PACSIN2: variants seen among roughly 807,000 people sequenced by gnomAD.
PACSIN2 encodes the protein protein kinase C and casein kinase substrate in neurons 2.
A neutral mutation model predicts 63.8 loss-of-function variants in PACSIN2; 25 were observed. The ratio of observed to expected loss-of-function variants is 0.39; its 90% CI spans 0.29 to 0.55. The LOEUF is 0.55. Among genes scored for constraint, PACSIN2 ranks in the 20% least tolerant of loss-of-function variants. The pLI is 0.62. For synonymous variants in PACSIN2, 255 were observed against 256.2 expected (o/e 1.00, Z 0.05); for missense variants, 518 against 646.9 (o/e 0.80, Z 2.16).
At chr22:42,913,250 C>T (rs995640629) in intron 1 of PACSIN2, among the ~76,000 whole-genome samples, 7 of 152,104 alleles carry the variant, frequency 4.6e-5, no homozygotes, top group Non-Finnish European at 7.4e-5. Context: ...GAGGCCAAGG[C>T]GGGCGGATCA....
chr22:42,894,431 C>G (rs769285027), intron 2 of PACSIN2, among the ~76,000 whole-genome samples: 1 of 152,150 alleles, frequency 6.6e-6, no homozygotes, highest in African/African-American at 2.4e-5. Flanking sequence ...TTAGTGGAGA[C>G]AGGGTTTCAC....
chr22:42,983,327 A>G (rs1922358403), intron 1 of PACSIN2, among the ~76,000 whole-genome samples: 1 of 150,574 alleles, frequency 6.6e-6, no homozygotes, highest in African/African-American at 2.4e-5. Flanking sequence ...AAAAAAAAAA[A>G]AAAAAAAAAG....
At chr22:42,972,030 C>T (rs975473064) in intron 1 of PACSIN2, among the ~76,000 whole-genome samples, 3 of 151,928 alleles carry the variant, frequency 2.0e-5, no homozygotes, top group East Asian at 1.9e-4. Context: ...TCATTGAGAA[C>T]GGGCCATGAT....
At chr22:42,963,844 C>T (rs1364699462) in intron 1 of PACSIN2, among the ~76,000 whole-genome samples, 1 of 93,468 alleles carries the variant, frequency 1.1e-5, no homozygotes, top group Non-Finnish European at 2.1e-5. Context: ...AAAATTTCTA[C>T]AATTTTTTTT....
chr22:42,913,545 G>A (rs1446367494), intron 1 of PACSIN2, among the ~76,000 whole-genome samples: 1 of 149,492 alleles, frequency 6.7e-6, no homozygotes, highest in Non-Finnish European at 1.5e-5. Context: ...ATTGCTGCAA[G>A]TCAAATATAT....
intron 1 of PACSIN2, among the ~76,000 whole-genome samples, chr22:42,923,635 G>T (rs979947217): frequency 2.0e-5 from 3 of 152,280 alleles, no homozygotes; most frequent in African/African-American, 7.2e-5. Flanking sequence ...CACCGTGTCA[G>T]CCAGGATGGT....
chr22:42,896,830 G>T (rs1447823274), intron 2 of PACSIN2, among the ~76,000 whole-genome samples: 1 of 152,188 alleles, frequency 6.6e-6, no homozygotes, highest in Non-Finnish European at 1.5e-5. Context: ...ACTTAGTGTA[G>T]CAATATTGCA....
chr22:42,904,723 C>A (rs977513747), intron 2 of PACSIN2, among the ~76,000 whole-genome samples: 1 of 151,544 alleles, frequency 6.6e-6, no homozygotes, highest in Non-Finnish European at 1.5e-5. Flanking sequence ...CACAGCCCCC[C>A]CATACTGCAC....
chr22:42,945,751 C>G (rs1434626191), intron 1 of PACSIN2: 1 of 152,546 alleles, frequency 6.6e-6, no homozygotes, highest in African/African-American at 2.4e-5. Context: ...CCACCATTGC[C>G]TCCTGCCTAA....
intron 1 of PACSIN2, among the ~76,000 whole-genome samples, chr22:42,967,001 T>A (rs1920966073): frequency 6.6e-6 from 1 of 152,182 alleles, no homozygotes; most frequent in African/African-American, 2.4e-5. Context: ...CTCTGGAAGT[T>A]ACAAACTAAA....
rs1928604987 is a variant in PACSIN2 at position 42,876,201 on chromosome 22, T to C, written c.1284A>G (p.Glu428=). ...AGTCATACAGGGCCCGGACTCGCAC[T>C]TCCGTCCCCGAGGTGGCGTCGTCGT... ...PFDDDATSGT[E]VRVRALYDYE... The change falls in exon 10 of 11, where the codon GAA becomes GAG. Residue 428 remains glutamate, a synonymous_variant. Coordinates refer to ENST00000263246, the MANE Select transcript of PACSIN2 (RefSeq NM_001184970.3). The C allele has an allele frequency of 6.2e-7, 1 of 1,614,244 alleles. No homozygotes were observed. The highest frequency in any genetic ancestry group is 2.2e-5 in the East Asian group (1 of 44,884).
chr22:42,983,719 C>G (rs985241651), intron 1 of PACSIN2, among the ~76,000 whole-genome samples: 14 of 152,148 alleles, frequency 9.2e-5, no homozygotes, highest in Non-Finnish European at 1.5e-4. Context: ...ACCTCAGCCT[C>G]CTGAGTAGCT....
chr22:42,892,058 G>A (rs1929948235), intron 3 of PACSIN2, among the ~76,000 whole-genome samples: 1 of 152,236 alleles, frequency 6.6e-6, no homozygotes, highest in African/African-American at 2.4e-5. Flanking sequence ...AGAGGAGGAA[G>A]CAGGAGCCTG....
In PACSIN2 at chr22:42,900,778, G is replaced by A. The variant is rs566145359; in HGVS notation, c.61-7165C>T. ...CATGAGCCACCGCACCCGACCTAGT[G>A]TCCCTATTTTAGAGAAAAGGAAACT... On this transcript the variant is annotated intron_variant, in intron 2 of 10. Transcript: ENST00000263246. 1.3e-4 allele frequency among the ~76,000 whole-genome samples: 20 copies of A among 152,302 alleles called. No individual in the cohort carries two copies. The South Asian group carries it at 3.9e-3, about 30-fold the overall frequency.
intron 1 of PACSIN2, among the ~76,000 whole-genome samples, chr22:43,012,122 C>T (rs1234175132): frequency 4.6e-5 from 7 of 151,172 alleles, no homozygotes; most frequent in African/African-American, 9.7e-5. Context: ...CCAGCCCGGG[C>T]GACAGAGCGA....
chr22:42,942,030 G>A (rs991226658), intron 1 of PACSIN2, among the ~76,000 whole-genome samples: 5 of 151,768 alleles, frequency 3.3e-5, no homozygotes, highest in Non-Finnish European at 7.4e-5. Flanking sequence ...GCCCGCCTCT[G>A]CCTCCCAAAG....
chr22:42,895,589 G>A (rs947901563), intron 2 of PACSIN2, among the ~76,000 whole-genome samples: 12 of 152,326 alleles, frequency 7.9e-5, no homozygotes, highest in African/African-American at 2.6e-4. Flanking sequence ...ACCACCCATC[G>A]GCACACACAG....
intron 1 of PACSIN2, among the ~76,000 whole-genome samples, chr22:42,913,765 C>G (rs761587879): frequency 2.6e-5 from 4 of 152,148 alleles, no homozygotes; most frequent in Non-Finnish European, 5.9e-5. Flanking sequence ...CCACGGTTGT[C>G]CAAGTAATGG....
At chr22:42,884,299 A>G (rs1929305411) in intron 6 of PACSIN2, 87 bp downstream of exon 6, 1 of 1,316,466 alleles carries the variant, frequency 7.6e-7, no homozygotes, top group Admixed American at 2.0e-5. Context: ...GCGCCATCCC[A>G]AACCTGGGAG....
Sources: gnomAD v4.1 joint callset for allele counts (sites outside exome capture counted in the v4.1 genomes callset) on GRCh38, gnomAD v4.1.1 for gene constraint, MANE v1.5 for transcripts, NCBI Gene and HGNC (gene_info 2026-07-23, HGNC 2026-07-21) for gene names.